Variants in IGSF5 observed in about 807,000 individuals in gnomAD.
IGSF5 encodes immunoglobulin superfamily 5 like.
In IGSF5, 41 loss-of-function variants were observed where a neutral mutation model predicts 39.4. The observed-to-expected ratio is 1.04, with a 90% confidence interval of 0.81 to 1.35. IGSF5 has a LOEUF of 1.35. IGSF5 is among the 40% of genes most tolerant of loss of function. IGSF5 has a pLI of 0.00. For synonymous variants in IGSF5, 183 were observed against 175.3 expected (o/e 1.04, Z -0.34); for missense variants, 487 against 494.6 (o/e 0.98, Z 0.15).
At chr21:39,764,151 G>A (rs2080074235) in intron 2 of IGSF5, among the ~76,000 whole-genome samples, 1 of 152,088 alleles carries the variant, frequency 6.6e-6, no homozygotes, top group South Asian at 2.1e-4. Flanking sequence ...TCGCCTCCTG[G>A]TCCTGCTTAT....
rs1569258297 is a variant in IGSF5, at chr21:39,788,205, A to G, written c.956+17A>G. 2 of 1,572,646 alleles carry G rather than the reference A, an allele frequency of 1.3e-6. No individual in the cohort carries two copies. The highest frequency in any genetic ancestry group is 1.1e-5 in the South Asian group (1 of 87,986). On this transcript the variant is annotated intron_variant, in intron 6 of 8. Transcript: ENST00000380588. ...ATTTCAAAAGTAAGTTTGAAACCAC[A>G]TCTATTTTCTGAAAACAAAACAAAA...
chr21:39,791,876 C>A (rs1280654312), intron 6 of IGSF5, 132 bp from the exon 7 acceptor site: 5 of 631,128 alleles, frequency 7.9e-6, no homozygotes, highest in Non-Finnish European at 1.4e-5. Context: ...CTATGGACTT[C>A]CTGTGTTAAG....
intron 7 of IGSF5, 94 bp from the exon 8 acceptor site, chr21:39,793,440 A>G (rs998366734): frequency 1.0e-6 from 1 of 984,540 alleles, no homozygotes; most frequent in Non-Finnish European, 1.6e-6. Context: ...GGTACTACAT[A>G]AAAGCAAATG....
chr21:39,740,986 A>G (rs1341930637), upstream of IGSF5, among the ~76,000 whole-genome samples: 3 of 152,324 alleles, frequency 2.0e-5, no homozygotes, highest in South Asian at 2.1e-4. Context: ...CCCGTAAACA[A>G]TGAGGCTGAC....
In IGSF5 at chr21:39,792,004, G is replaced by A. The variant is rs552084453; in HGVS notation, c.957-4G>A. 4 of 1,595,990 alleles carry A rather than the reference G, an allele frequency of 2.5e-6. No individual in the cohort carries two copies. Among genetic ancestry groups the A allele is most frequent in the African/African-American group, 1.3e-5 (1 of 74,562 alleles). The stretch of plus-strand genomic sequence containing the variant: ...AACATGAACATAAAATGGTCTAATT[G>A]TAGGAAATCTGAAAAAGAGAAGACA... On this transcript the variant is annotated splice_region_variant and splice_polypyrimidine_tract_variant and intron_variant, in intron 6 of 8. Coordinates refer to ENST00000380588, the MANE Select transcript of IGSF5 (RefSeq NM_001080444.2).
intron 4 of IGSF5, among the ~76,000 whole-genome samples, chr21:39,775,601 G>A (rs1374580305): frequency 6.6e-6 from 1 of 152,076 alleles, no homozygotes; most frequent in Admixed American, 6.5e-5. Context: ...TCTCCAAGTG[G>A]AGGTTAAAGC....
intron 2 of IGSF5, among the ~76,000 whole-genome samples, chr21:39,759,445 A>C (rs2080049738): frequency 1.3e-5 from 2 of 152,150 alleles, no homozygotes; most frequent in Non-Finnish European, 2.9e-5. Flanking sequence ...AACCACCCTT[A>C]ATGTACATCT....
chr21:39,711,813 G>A, the IGSF5 span, among the ~76,000 whole-genome samples: 3 of 152,106 alleles, frequency 2.0e-5, no homozygotes, highest in Non-Finnish European at 2.9e-5. Flanking sequence ...GATTACAGGC[G>A]TGAGCCACTG....
the IGSF5 span, chr21:39,727,980 G>C: frequency 6.6e-6 from 1 of 152,158 alleles, no homozygotes; most frequent in Non-Finnish European, 1.5e-5. Flanking sequence ...GATATTCCTA[G>C]AGAAAAATGC....
At chr21:39,785,491 G>A (rs913401843) in intron 5 of IGSF5, among the ~76,000 whole-genome samples, 12 of 152,184 alleles carry the variant, frequency 7.9e-5, no homozygotes, top group African/African-American at 2.9e-4. Flanking sequence ...CAGGTAGTGT[G>A]ATGCCTCCAC....
At chr21:39,746,338 C>A (rs577533453) in intron 2 of IGSF5, 40 bp downstream of exon 2, 1 of 696,492 alleles carries the variant, frequency 1.4e-6, no homozygotes, top group African/African-American at 1.7e-5. Context: ...AAACACGGAC[C>A]AGAAGAGTGC....
At chr21:39,712,758 C>T in the IGSF5 span, among the ~76,000 whole-genome samples, 133 of 152,218 alleles carry the variant, frequency 8.7e-4, no homozygotes, top group Middle Eastern at 3.4e-3. Flanking sequence ...GTCTCTTCCA[C>T]GGTGAATGCT....
upstream of IGSF5, among the ~76,000 whole-genome samples, chr21:39,744,292 G>C (rs113268571): frequency 0.016 from 2,034 of 130,608 alleles, no homozygotes; most frequent in African/African-American, 0.024. Context: ...TAACAACCCA[G>C]CTGCCCCATC....
At chr21:39,788,092 T>C in intron 5 of IGSF5, 75 bp from the exon 6 acceptor site, 1 of 1,121,648 alleles carries the variant, frequency 8.9e-7, no homozygotes, top group Non-Finnish European at 1.3e-6. Context: ...TAAGGGAGTG[T>C]ATAAAAATTA....
chr21:39,798,730 G>T (rs2087011848), intron 8 of IGSF5, among the ~76,000 whole-genome samples: 1 of 152,226 alleles, frequency 6.6e-6, no homozygotes. Context: ...GGCAGAATTT[G>T]CTGCTGCACC....
At chr21:39,764,493 C>T (rs182807181) in intron 2 of IGSF5, among the ~76,000 whole-genome samples, 22 of 152,310 alleles carry the variant, frequency 1.4e-4, no homozygotes, top group Admixed American at 3.3e-4. Context: ...GGATCCACAA[C>T]CACGCCTGGC....
At chr21:39,789,722 G>A (rs2086950386) in intron 6 of IGSF5, among the ~76,000 whole-genome samples, 1 of 152,070 alleles carries the variant, frequency 6.6e-6, no homozygotes, top group African/African-American at 2.4e-5. Flanking sequence ...CACTTCTATA[G>A]TTCCAAAGTA....
the IGSF5 span, among the ~76,000 whole-genome samples, chr21:39,715,036 CCCTTT>C: frequency 6.8e-5 from 9 of 131,660 alleles, no homozygotes; most frequent in South Asian, 2.5e-4. Context: ...CCTTTTTTCT[CCCTTT>C]CCTTTCCTTT....
At chr21:39,713,953 C>T in the IGSF5 span, among the ~76,000 whole-genome samples, 2 of 152,236 alleles carry the variant, frequency 1.3e-5, no homozygotes, top group African/African-American at 4.8e-5. Flanking sequence ...AGTGGACCAA[C>T]ATGATGCACT....
Sources: gnomAD v4.1 joint callset for allele counts (sites outside exome capture counted in the v4.1 genomes callset) on GRCh38, gnomAD v4.1.1 for gene constraint, MANE v1.5 for transcripts, NCBI Gene and HGNC (gene_info 2026-07-23, HGNC 2026-07-21) for gene names.